ASIC2: variants seen among roughly 807,000 people sequenced by gnomAD.
The protein encoded by ASIC2 is acid-sensing ion channel 2.
In ASIC2, 25 loss-of-function variants were observed where a neutral mutation model predicts 57.3. The observed-to-expected ratio is 0.44, with a 90% CI of 0.32 to 0.61. ASIC2 has a LOEUF of 0.61. Ranked by LOEUF, ASIC2 falls within the 20% of genes least tolerant of loss-of-function variation. The pLI is 0.06. For missense variants in ASIC2, 641 were observed against 738.1 expected, an observed-to-expected ratio of 0.87 and a Z score of 1.52; for synonymous variants, 319 against 307.5, an observed-to-expected ratio of 1.04 and a Z score of -0.39.
At chr17:33,897,333 C>T (rs1182224330) in intron 1 of ASIC2, among the ~76,000 whole-genome samples, 1 of 152,206 alleles carries the variant, frequency 6.6e-6, no homozygotes, top group Non-Finnish European at 1.5e-5. Flanking sequence ...AAGCCTCTCT[C>T]TCCTTCCCTC....
At chr17:33,242,274 G>A (rs1015204959) in intron 1 of ASIC2, among the ~76,000 whole-genome samples, 6 of 148,970 alleles carry the variant, frequency 4.0e-5, no homozygotes, top group Non-Finnish European at 7.4e-5. Context: ...CCGAGATCTC[G>A]CCACTGCACT....
chr17:34,121,111 T>C (rs12936908), intron 1 of ASIC2, among the ~76,000 whole-genome samples: 5,090 of 152,030 alleles, frequency 0.033, 316 homozygotes, highest in African/African-American at 0.12. Context: ...GAGGCAGAGA[T>C]TGGAGCGAGG....
intron 1 of ASIC2, among the ~76,000 whole-genome samples, chr17:34,126,149 G>A (rs184688137): frequency 1.5e-3 from 223 of 152,352 alleles, no homozygotes; most frequent in African/African-American, 5.1e-3. Flanking sequence ...GGCTCCAGGG[G>A]AAGACAGAGC....
chr17:33,803,198 A>AC (rs1244562480), intron 1 of ASIC2, among the ~76,000 whole-genome samples: 1 of 152,216 alleles, frequency 6.6e-6, no homozygotes, highest in Non-Finnish European at 1.5e-5. Context: ...ATCTCTGACC[A>AC]CTATTGTTAG....
intron 1 of ASIC2, among the ~76,000 whole-genome samples, chr17:33,511,313 G>T (rs552627096): frequency 3.9e-4 from 59 of 152,194 alleles, no homozygotes; most frequent in African/African-American, 1.3e-3. Flanking sequence ...TCTGTCTTCT[G>T]CTCAGTCTCT....
intron 1 of ASIC2, among the ~76,000 whole-genome samples, chr17:33,504,554 G>C (rs537936775): frequency 2.0e-5 from 3 of 152,302 alleles, no homozygotes; most frequent in South Asian, 2.1e-4. Context: ...TGGCCAGACT[G>C]TTCTTGAACT....
intron 1 of ASIC2, among the ~76,000 whole-genome samples, chr17:34,076,697 CATTT>C (rs1909672947): frequency 6.6e-6 from 1 of 152,164 alleles, no homozygotes; most frequent in Non-Finnish European, 1.5e-5. Context: ...GAAACTCATT[CATTT>C]TGTCTGGTGC....
At chr17:33,284,905 C>G (rs1905086334) in intron 1 of ASIC2, among the ~76,000 whole-genome samples, 1 of 152,202 alleles carries the variant, frequency 6.6e-6, no homozygotes, top group Non-Finnish European at 1.5e-5. Context: ...GACTCAGTCA[C>G]TCCGATGAGG....
intron 1 of ASIC2, among the ~76,000 whole-genome samples, chr17:33,891,065 C>T (rs940758257): frequency 6.6e-6 from 1 of 152,138 alleles, no homozygotes; most frequent in African/African-American, 2.4e-5. Context: ...GCTTTGGTGC[C>T]TGATGTAGAG....
intron 1 of ASIC2, among the ~76,000 whole-genome samples, chr17:33,134,313 C>T (rs1478017905): frequency 6.6e-6 from 1 of 152,146 alleles, no homozygotes; most frequent in East Asian, 1.9e-4. Context: ...CACCAGTGCT[C>T]TCTGCTCCCC....
chr17:33,535,514 G>A (rs1915201716), intron 1 of ASIC2, among the ~76,000 whole-genome samples: 1 of 151,910 alleles, frequency 6.6e-6, no homozygotes, highest in East Asian at 1.9e-4. Context: ...CTGCCCTCAT[G>A]ATCTGCCCGT....
chr17:33,241,377 T>C (rs1908501944), intron 1 of ASIC2, among the ~76,000 whole-genome samples: 1 of 152,222 alleles, frequency 6.6e-6, no homozygotes, highest in African/African-American at 2.4e-5. Flanking sequence ...GTTCCATTCA[T>C]GCAATATTCA....
chr17:33,061,172 G>T (rs1165617573), intron 3 of ASIC2, among the ~76,000 whole-genome samples: 3 of 152,054 alleles, frequency 2.0e-5, no homozygotes, highest in East Asian at 1.9e-4. Context: ...TTGCCTGATT[G>T]CCCTGGCCAG....
chr17:33,418,923 G>A (rs1025842451), intron 1 of ASIC2, among the ~76,000 whole-genome samples: 2 of 150,770 alleles, frequency 1.3e-5, no homozygotes, highest in African/African-American at 2.4e-5. Context: ...GGACACGGGG[G>A]AGGGGAACAT....
intron 1 of ASIC2, among the ~76,000 whole-genome samples, chr17:33,342,900 G>A (rs557678793): frequency 6.6e-6 from 1 of 152,292 alleles, no homozygotes; most frequent in Admixed American, 6.5e-5. Context: ...GGTGGGCAGG[G>A]CAGGCTCTAG....
chr17:34,113,429 T>TGCA (rs111419516), intron 1 of ASIC2, among the ~76,000 whole-genome samples: 4,084 of 152,002 alleles, frequency 0.027, 208 homozygotes, highest in African/African-American at 0.094. Context: ...GGCATGGTGG[T>TGCA]GCACACCTGT....
At chr17:33,438,758 C>T (rs1911717576) in intron 1 of ASIC2, among the ~76,000 whole-genome samples, 2 of 151,854 alleles carry the variant, frequency 1.3e-5, no homozygotes, top group South Asian at 4.2e-4. Context: ...AGAGCAGGCA[C>T]ATGAGGCACA....
intron 1 of ASIC2, among the ~76,000 whole-genome samples, chr17:33,512,828 G>T (rs1914466346): frequency 6.6e-6 from 1 of 152,186 alleles, no homozygotes. Flanking sequence ...CCATGGGAGG[G>T]TGACCTCTTG....
intron 1 of ASIC2, among the ~76,000 whole-genome samples, chr17:33,383,581 A>G (rs1350180449): frequency 6.6e-6 from 1 of 152,204 alleles, no homozygotes; most frequent in Non-Finnish European, 1.5e-5. Context: ...TGAGTTTGAC[A>G]CACGTGGATC....
Sources: gnomAD v4.1 joint callset for allele counts (sites outside exome capture counted in the v4.1 genomes callset) on GRCh38, gnomAD v4.1.1 for gene constraint, MANE v1.5 for transcripts, NCBI Gene and HGNC (gene_info 2026-07-23, HGNC 2026-07-21) for gene names.